Variants in MAST4 observed in about 807,000 individuals in gnomAD.
The protein encoded by MAST4 is microtubule associated serine/threonine kinase family member 4.
In MAST4, 89 loss-of-function variants were observed where a neutral mutation model predicts 162.7. The ratio of observed to expected loss-of-function variants is 0.55; its 90% CI spans 0.46 to 0.65. The LOEUF (loss-of-function observed/expected upper bound fraction) is 0.65, where lower values mean the gene tolerates loss of function less well. Among genes scored for constraint, MAST4 ranks in the 30% least tolerant of loss-of-function variants. The probability of loss-of-function intolerance (pLI) is 0.00; values close to 1 mark genes in which losing one functional copy is unlikely to be tolerated. For synonymous variants in MAST4, 1,479 were observed against 1,361.1 expected, an observed-to-expected ratio of 1.09 and a Z score of -1.91; for missense variants, 3,153 against 3,374.0, an observed-to-expected ratio of 0.93 and a Z score of 1.62.
Position 66,962,840 on chromosome 5 carries a change from G to T in MAST4, c.674+62858G>T, listed in dbSNP as rs116350752. Among the ~76,000 whole-genome samples the T allele has an allele frequency of 2.3e-3, 345 of 152,326 alleles. 1 individual carries two copies. Among genetic ancestry groups the T allele is most frequent in the African/African-American group, 7.9e-3 (327 of 41,584 alleles). ...CTAATTTTTACTTTGATTTTGCCAT[G>T]TAAAAATAGTTGGTAACTGACTAGC... On this transcript the variant is annotated intron_variant, in intron 4 of 28. Transcript: ENST00000403625.
intron 1 of MAST4, among the ~76,000 whole-genome samples, 162 bp downstream of exon 1, chr5:66,597,180 C>A (rs987860782): frequency 4.6e-5 from 7 of 152,180 alleles, no homozygotes; most frequent in African/African-American, 1.7e-4. Flanking sequence ...GTTAGGAGCC[C>A]CCCTGTGGGT....
chr5:67,077,980 T>G (rs1761874345), intron 5 of MAST4, among the ~76,000 whole-genome samples: 2 of 152,046 alleles, frequency 1.3e-5, no homozygotes, highest in Admixed American at 1.3e-4. Flanking sequence ...GCGCCTGTAT[T>G]CCCAGCTACT....
intron 2 of MAST4, among the ~76,000 whole-genome samples, chr5:66,786,957 T>G (rs568774719): frequency 1.2e-3 from 186 of 152,328 alleles, no homozygotes; most frequent in African/African-American, 4.3e-3. Context: ...TATCACATTT[T>G]TTTTGCAATA....
intron 4 of MAST4, among the ~76,000 whole-genome samples, chr5:67,017,605 C>CTTTTTTTTTTTTTTTTTTTT (rs34059850): frequency 1.5e-5 from 2 of 135,030 alleles, no homozygotes; most frequent in African/African-American, 5.5e-5. Context: ...TTTTTCTTTT[C>CTTTTTTTTTTTTTTTTTTTT]TTTTTTTTTT....
At chr5:67,025,226 A>G (rs1327060905) in intron 4 of MAST4, among the ~76,000 whole-genome samples, 1 of 152,180 alleles carries the variant, frequency 6.6e-6, no homozygotes, top group African/African-American at 2.4e-5. Context: ...ACATTAAAAT[A>G]TTTGTGATAT....
At chr5:66,772,804 G>A (rs978848581) in intron 2 of MAST4, among the ~76,000 whole-genome samples, 2 of 152,196 alleles carry the variant, frequency 1.3e-5, no homozygotes, top group Admixed American at 6.5e-5. Context: ...TCTGTAAAGT[G>A]AGTGCATTGG....
At chr5:66,767,532 G>A (rs1397425515) in intron 2 of MAST4, among the ~76,000 whole-genome samples, 6 of 152,064 alleles carry the variant, frequency 3.9e-5, no homozygotes, top group Non-Finnish European at 5.9e-5. Context: ...ATGGGACAAT[G>A]TAGTCACTGA....
Position 67,152,807 on chromosome 5 carries a change from C to G in MAST4, c.3466C>G (p.Arg1156Gly). 1.9e-6 allele frequency: 3 copies of G among 1,614,028 alleles called. No homozygotes were observed. The highest frequency in any genetic ancestry group is 2.5e-6 in the Non-Finnish European group (3 of 1,179,896). ...GGGGAAGAACTACGGCTTTACCATCCGAGCCATCCGGGTGTATGTGGGAGA... is the reference window on the plus strand; with the variant it reads ...GGGGAAGAACTACGGCTTTACCATCGGAGCCATCCGGGTGTATGTGGGAGA... The part of the protein sequence containing the change: ...SSGKNYGFTI[R>G]AIRVYVGDSD... The change falls in exon 25 of 29, where the codon CGA becomes GGA. Residue 1156 changes from arginine to glycine, a missense_variant. Around this residue, in one of 7 missense-constraint regions of MAST4, gnomAD observed 619 missense variants for 744.2 expected, o/e 0.83. Transcript: ENST00000403625.
At chr5:66,884,526 A>G (rs1039936681) in intron 3 of MAST4, among the ~76,000 whole-genome samples, 3 of 152,142 alleles carry the variant, frequency 2.0e-5, no homozygotes, top group African/African-American at 7.2e-5. Context: ...AGGACCCGGG[A>G]AGCTTGCATT....
At chr5:66,994,201 G>A (rs371688642) in intron 4 of MAST4, among the ~76,000 whole-genome samples, 1 of 152,154 alleles carries the variant, frequency 6.6e-6, no homozygotes, top group Non-Finnish European at 1.5e-5. Flanking sequence ...GTCATGGCAA[G>A]TGAGGAGAAG....
At position 66,861,452 on chromosome 5, in the gene MAST4, T is replaced by A. The variant is rs557306072; in HGVS notation, c.643-38499T>A. Reference sequence around the variant, plus strand: ...GGAGGTAGCTGTTATTATCCCCATTTTACAGATGGGGAAGCTGAGGCTCTG... The same window carrying A: ...GGAGGTAGCTGTTATTATCCCCATTATACAGATGGGGAAGCTGAGGCTCTG... On this transcript the variant is annotated intron_variant, in intron 3 of 28. Coordinates refer to ENST00000403625, the MANE Select transcript of MAST4 (RefSeq NM_001164664.2). 1.1e-4 allele frequency among the ~76,000 whole-genome samples: 17 copies of A among 152,310 alleles called. No homozygotes were observed. In the South Asian group the frequency reaches 3.5e-3, roughly 32 times the overall value.
chr5:66,942,643 G>T (rs1331819984), intron 4 of MAST4, among the ~76,000 whole-genome samples: 1 of 152,122 alleles, frequency 6.6e-6, no homozygotes, highest in African/African-American at 2.4e-5. Flanking sequence ...AAAGCTGTTT[G>T]ATTATTGGCA....
chr5:66,873,595 G>A (rs945017484), intron 3 of MAST4, among the ~76,000 whole-genome samples: 6 of 152,176 alleles, frequency 3.9e-5, no homozygotes, highest in African/African-American at 1.4e-4. Context: ...TAATAGACTG[G>A]ACTGGATTGT....
chr5:66,899,177 G>C (rs1318127434), intron 3 of MAST4, among the ~76,000 whole-genome samples: 1 of 152,140 alleles, frequency 6.6e-6, no homozygotes, highest in Non-Finnish European at 1.5e-5. Flanking sequence ...AACTTCATTA[G>C]TGGATAAGAG....
rs547832967 is a variant in MAST4 at position 66,899,824 on chromosome 5, T to C, written c.643-127T>C. ...AGCATAAAATTATGACATTAAAATG[T>C]TTTCAGTATAAGAAATGCCAAATCA... On this transcript the variant is annotated intron_variant, in intron 3 of 28. Coordinates refer to ENST00000403625, the MANE Select transcript of MAST4 (RefSeq NM_001164664.2). 2.4e-4 allele frequency: 161 copies of C among 675,148 alleles called. 3 individuals carry two copies. The South Asian group carries it at 4.7e-3, about 20-fold the overall frequency. The allele number at this position is 675,148 out of a possible 1,614,324, so 41.8% of individuals were successfully genotyped here.
chr5:66,918,371 CTT>C lies in MAST4; in HGVS notation c.674+18390_674+18391del, dbSNP rs1764255635. Among the ~76,000 whole-genome samples the C allele has an allele frequency of 2.0e-5, 3 of 152,090 alleles. No homozygotes were observed. In the South Asian group the frequency reaches 6.2e-4, roughly 31 times the overall value. On this transcript the variant is annotated intron_variant, in intron 4 of 28. Coordinates refer to ENST00000403625, the MANE Select transcript of MAST4 (RefSeq NM_001164664.2). ...CCATGTACTTTGGAATCTTTTGTGACTTAATTCTTTTTAAGCTTAATGTTGAA... is the reference window on the plus strand; with the variant it reads ...CCATGTACTTTGGAATCTTTTGTGACAATTCTTTTTAAGCTTAATGTTGAA...
At chr5:66,742,165 A>C (rs1247401186) in intron 1 of MAST4, among the ~76,000 whole-genome samples, 1 of 152,180 alleles carries the variant, frequency 6.6e-6, no homozygotes, top group African/African-American at 2.4e-5. Flanking sequence ...GGAATGGGAA[A>C]ATAGACACTT....
At chr5:67,069,753 C>T (rs746435109) in intron 5 of MAST4, among the ~76,000 whole-genome samples, 17 of 152,068 alleles carry the variant, frequency 1.1e-4, no homozygotes, top group South Asian at 2.1e-4. Context: ...TATATCTATC[C>T]GCTGGAACAA....
rs946039940 is a variant in MAST4, at chr5:66,610,024, T to C, written c.363+13006T>C. Among the ~76,000 whole-genome samples the C allele has an allele frequency of 2.0e-5, 3 of 152,082 alleles. No individual in the cohort carries two copies. The East Asian group carries it at 5.8e-4, about 30-fold the overall frequency. ...AATCAGGGTGTTGGCAGGGATTAGG[T>C]TGGTGCAAAATTATTTGCAGTTTTT... is the stretch of plus-strand genomic sequence containing the variant. On this transcript the variant is annotated intron_variant, in intron 1 of 28. Transcript: ENST00000403625.
Sources: gnomAD v4.1 joint callset for allele counts (sites outside exome capture counted in the v4.1 genomes callset) on GRCh38, gnomAD v4.1.1 for gene constraint, gnomAD v4.1.1 regional missense constraint, MANE v1.5 for transcripts, NCBI Gene and HGNC (gene_info 2026-07-23, HGNC 2026-07-21) for gene names.